Variants in RBM39 observed in about 807,000 individuals in gnomAD.
The protein encoded by RBM39 is RNA binding motif protein 39, also known as RNA-binding protein 39.
Under a neutral mutation model 79.6 loss-of-function variants are expected in RBM39, and 12 were observed. The observed-to-expected ratio is 0.15, with a 90% CI of 0.10 to 0.24. The LOEUF (loss-of-function observed/expected upper bound fraction) is 0.24, where lower values mean the gene tolerates loss of function less well. Among genes scored for constraint, RBM39 ranks in the 10% least tolerant of loss-of-function variants. The pLI, the probability that RBM39 is intolerant of heterozygous loss-of-function variation, is 1.00. For synonymous variants in RBM39, 185 were observed against 208.4 expected (o/e 0.89, Z 0.97); for missense variants, 243 against 653.4 (o/e 0.37, Z 6.85).
chr20:35,703,660 A>G lies in RBM39; in HGVS notation c.*821T>C, dbSNP rs2035408009. On this transcript the variant is annotated 3_prime_UTR_variant, in exon 17 of 17. Transcript: ENST00000253363. ...AGTGGTTCTTACAAAGATTGTTGCA[A>G]TATGAAAGTCATTTGTTTGATAGAA... The G allele has an allele frequency of 6.5e-6, 1 of 152,678 alleles. No homozygotes were observed. The highest frequency in any genetic ancestry group is 1.5e-5 in the Non-Finnish European group (1 of 68,042). 9.5% of individuals were successfully genotyped at this position (152,678 alleles called of 1,614,324 possible). A position where few individuals can be genotyped will look rare whatever the true frequency, so the allele number is the denominator to read the frequency against.
chr20:35,733,469 C>T (rs1209273647), intron 3 of RBM39, among the ~76,000 whole-genome samples: 1 of 151,940 alleles, frequency 6.6e-6, no homozygotes, highest in East Asian at 1.9e-4. Flanking sequence ...AGTAGTGGGT[C>T]GTGGTGGCAC....
chr20:35,734,126 G>A, intron 3 of RBM39: 2 of 1,019,754 alleles, frequency 2.0e-6, no homozygotes, highest in Non-Finnish European at 2.6e-6. Context: ...GTCTGCCTCA[G>A]AGAACCTGTA....
At chr20:35,716,892 A>T (rs2037197852) in intron 9 of RBM39, 87 bp from the exon 10 acceptor site, 4 of 846,016 alleles carry the variant, frequency 4.7e-6, no homozygotes, top group Non-Finnish European at 7.6e-6. Context: ...AAAATCTACC[A>T]GTCTCCTCAT....
rs1334330034 is a variant in RBM39 at position 35,724,660 on chromosome 20, C to A, written c.597G>T (p.Val199=). Residue 199 remains valine (V), a synonymous_variant, in exon 8 of 17, where the codon GTG becomes GTT. Coordinates refer to ENST00000253363, the MANE Select transcript of RBM39 (RefSeq NM_184234.3). ...GCACTGAGCTAACATCGACGAACTC[C>A]ACATAAGCAATTCCTTTGGAACGTC... ...NSRRSKGIAY[V]EFVDVSSVPL... 1.2e-6 allele frequency: 2 copies of A among 1,614,118 alleles called. No individual in the cohort carries two copies. Among genetic ancestry groups the A allele is most frequent in the Non-Finnish European group, 1.7e-6 (2 of 1,179,974 alleles).
intron 11 of RBM39, chr20:35,713,666 CAAAAAAAAAAAAAAAAAA>C (rs56909848): frequency 8.6e-5 from 3 of 34,722 alleles, no homozygotes; most frequent in East Asian, 1.1e-3. Flanking sequence ...CCAACCAACA[CAAAAAAAAAAAAAAAAAA>C]AAAAAAAAAA....
chr20:35,735,536 A>C (rs1032365429), intron 3 of RBM39, among the ~76,000 whole-genome samples: 1 of 152,254 alleles, frequency 6.6e-6, no homozygotes, highest in East Asian at 1.9e-4. Flanking sequence ...AAGACAATGA[A>C]GTTTTAGAAT....
chr20:35,724,761 G>GT (rs1569036954), intron 7 of RBM39, 39 bp from the exon 8 acceptor site: 2 of 1,597,124 alleles, frequency 1.3e-6, no homozygotes, highest in African/African-American at 1.3e-5. Context: ...AACATCCATT[G>GT]TAACACATGT....
chr20:35,724,189 G>A (rs1377055098), intron 8 of RBM39, among the ~76,000 whole-genome samples: 15 of 151,874 alleles, frequency 9.9e-5, no homozygotes, highest in Non-Finnish European at 1.3e-4. Flanking sequence ...AAAAGTAGCC[G>A]AACGTGGTGG....
At chr20:35,738,644 AAC>A (rs2040226942) in intron 3 of RBM39, among the ~76,000 whole-genome samples, 1 of 152,244 alleles carries the variant, frequency 6.6e-6, no homozygotes, top group Non-Finnish European at 1.5e-5. Context: ...ATGGATATAT[AAC>A]AGTTTTATCA....
intron 3 of RBM39, 82 bp downstream of exon 3, chr20:35,738,886 C>T (rs1448706292): frequency 8.0e-7 from 1 of 1,256,442 alleles, no homozygotes; most frequent in Non-Finnish European, 1.1e-6. Context: ...ATTTTGTATA[C>T]TTTAGCCACA....
chr20:35,707,050 A>AG (rs1164900412), intron 14 of RBM39, 70 bp downstream of exon 14: 52 of 701,016 alleles, frequency 7.4e-5, no homozygotes, highest in Admixed American at 2.7e-4. Flanking sequence ...AAAAAAAAAA[A>AG]AGAGAAATAT....
At position 35,724,644 on chromosome 20, in the gene RBM39, T is replaced by C; in HGVS notation, c.613A>G (p.Ser205Gly). Residue 205 changes from serine (S) to glycine (G), a missense_variant, in exon 8 of 17, where the codon AGC (serine) becomes GGC (glycine). Ser to Gly is a moderately conservative substitution (Grantham distance 56, BLOSUM62 0). Around this residue, in one of 4 missense-constraint regions of RBM39, gnomAD observed 61 missense variants for 322.9 expected, o/e 0.19. Coordinates refer to ENST00000253363, the MANE Select transcript of RBM39 (RefSeq NM_184234.3). Reference protein sequence around the residue: ...GIAYVEFVDVSSVPLAIGLTG... With the variant: ...GIAYVEFVDVGSVPLAIGLTG... ...AATCCTATTGCTAGAGGCACTGAGC[T>C]AACATCGACGAACTCCACATAAGCA... 1.2e-6 allele frequency: 2 copies of C among 1,614,154 alleles called. No homozygotes were observed. The highest frequency in any genetic ancestry group is 8.5e-7 in the Non-Finnish European group (1 of 1,180,016).
chr20:35,729,381 G>C lies in RBM39; in HGVS notation c.363-16C>G. 1 of 1,605,754 alleles carries C rather than the reference G, an allele frequency of 6.2e-7. No individual in the cohort carries two copies. The highest frequency in any genetic ancestry group is 8.5e-7 in the Non-Finnish European group (1 of 1,178,018). On this transcript the variant is annotated splice_polypyrimidine_tract_variant and intron_variant, in intron 5 of 16. Transcript: ENST00000253363. ...ACGTCGTCTGCTGCAAAGTTAAAAA[G>C]TTTCAGAAGTTATCCAAACAAGTAC...
chr20:35,716,666 T>A, intron 10 of RBM39, 74 bp downstream of exon 10: 1 of 907,582 alleles, frequency 1.1e-6, no homozygotes, highest in Non-Finnish European at 1.7e-6. Context: ...AGCTAGAGAC[T>A]AATCTGAGCA....
intron 1 of RBM39, chr20:35,741,468 A>T (rs2040527345): frequency 6.6e-6 from 1 of 152,486 alleles, no homozygotes; most frequent in African/African-American, 2.4e-5. Flanking sequence ...TTACGTAAGT[A>T]AATCCAAAAC....
intron 12 of RBM39, among the ~76,000 whole-genome samples, chr20:35,710,010 T>G (rs936687104): frequency 4.6e-5 from 7 of 152,206 alleles, no homozygotes; most frequent in Non-Finnish European, 8.8e-5. Context: ...TATTTTCTCA[T>G]ATAATCGTTA....
Position 35,729,292 on chromosome 20 carries a change from G to A in RBM39, c.416+20C>T. 1 of 1,568,002 alleles carries A rather than the reference G, an allele frequency of 6.4e-7. No individual in the cohort carries two copies. The highest frequency in any genetic ancestry group is 8.6e-7 in the Non-Finnish European group (1 of 1,164,584). On this transcript the variant is annotated intron_variant, in intron 6 of 16. Transcript: ENST00000253363. Reference sequence around the variant, plus strand: ...TGCAAAAGCTTTTTAAGAGCTAAAGGCTTTAAAGAAGTAAACTACCTCACA... The same window carrying A: ...TGCAAAAGCTTTTTAAGAGCTAAAGACTTTAAAGAAGTAAACTACCTCACA...
At chr20:35,714,410 G>C (rs897210155) in intron 10 of RBM39, 21 bp from the exon 11 acceptor site, 4 of 1,606,244 alleles carry the variant, frequency 2.5e-6, no homozygotes, top group South Asian at 1.1e-5. Context: ...GGGGAGGCAA[G>C]GACAGGAGAC....
chr20:35,742,013 G>A lies in RBM39; in HGVS notation c.-86C>T, dbSNP rs2146778563. On this transcript the variant is annotated 5_prime_UTR_variant, in exon 1 of 17. Coordinates refer to ENST00000253363, the MANE Select transcript of RBM39 (RefSeq NM_184234.3). ...TGCTGCTGCTGCTGCTGCTGCTGCC[G>A]CCGCCGCCGCTTCTGTTGCTACTGT... is the stretch of plus-strand genomic sequence containing the variant. 2.0e-5 allele frequency: 5 copies of A among 253,646 alleles called. No homozygotes were observed. Among genetic ancestry groups the A allele is most frequent in the East Asian group, 1.5e-4 (1 of 6,470 alleles). The allele number at this position is 253,646 out of a possible 1,614,324, so 15.7% of individuals were successfully genotyped here.
Sources: allele counts gnomAD v4.1 joint callset (sites outside exome capture counted in the v4.1 genomes callset), GRCh38; gene constraint gnomAD v4.1.1; regional missense constraint gnomAD v4.1.1; transcripts MANE v1.5; gene names NCBI Gene and HGNC (gene_info 2026-07-23, HGNC 2026-07-21).